The following ROBO1 variants were observed in gnomAD, a reference collection of about 807,000 sequenced individuals.
The protein encoded by ROBO1 is roundabout guidance receptor 1, also known as roundabout homolog 1.
ROBO1 carries 149 observed loss-of-function variants against 195.9 expected under a neutral mutation model. The observed-to-expected ratio is 0.76, with a 90% CI of 0.67 to 0.87. The LOEUF is 0.87. ROBO1 is among the 40% of genes least tolerant of loss of function. The probability of loss-of-function intolerance (pLI) is 0.00; values close to 1 mark genes in which losing one functional copy is unlikely to be tolerated. For synonymous variants in ROBO1, 816 were observed against 733.2 expected, an observed-to-expected ratio of 1.11 and a Z score of -1.82; for missense variants, 1,933 against 2,068.3, an observed-to-expected ratio of 0.93 and a Z score of 1.27.
chr3:79,582,237 T>A (rs1331928630), intron 2 of ROBO1, among the ~76,000 whole-genome samples: 2 of 151,786 alleles, frequency 1.3e-5, no homozygotes, highest in Admixed American at 6.6e-5. Context: ...CTTTTTCATC[T>A]CTATGGTCCT....
intron 2 of ROBO1, among the ~76,000 whole-genome samples, chr3:79,547,139 CGT>C (rs1942297288): frequency 1.6e-5 from 2 of 122,948 alleles, no homozygotes; most frequent in African/African-American, 6.3e-5. Context: ...GAGCCGAGAT[CGT>C]GCCACTGCAC....
chr3:78,788,899 T>C (rs764911229), intron 4 of ROBO1, among the ~76,000 whole-genome samples: 10 of 152,170 alleles, frequency 6.6e-5, no homozygotes, highest in Non-Finnish European at 1.3e-4. Flanking sequence ...TAGAGTTAGA[T>C]TGCACACTAA....
At position 79,305,474 on chromosome 3, in the gene ROBO1, G is replaced by A. The variant is rs528607788; in HGVS notation, c.89-179935C>T. On this transcript the variant is annotated intron_variant, in intron 2 of 30. Coordinates refer to ENST00000464233, the MANE Select transcript of ROBO1 (RefSeq NM_002941.4). Reference sequence around the variant, plus strand: ...TGCACTCCAGCCTGGGTGACAAGAGGAAAACTCCATCTCAAAAAAAAAAAA... The same window carrying A: ...TGCACTCCAGCCTGGGTGACAAGAGAAAAACTCCATCTCAAAAAAAAAAAA... Among the ~76,000 whole-genome samples the A allele has an allele frequency of 1.3e-4, 10 of 74,978 alleles. No homozygotes were observed. In the South Asian group the frequency reaches 3.9e-3, roughly 29 times the overall value. 49.2% of individuals were successfully genotyped at this position (74,978 alleles called of 152,430 possible). A position where few individuals can be genotyped will look rare whatever the true frequency, so the allele number is the denominator to read the frequency against.
intron 3 of ROBO1, among the ~76,000 whole-genome samples, chr3:79,052,055 C>T (rs563265860): frequency 2.2e-4 from 34 of 152,090 alleles, no homozygotes; most frequent in Non-Finnish European, 3.8e-4. Context: ...TCAGGGAACA[C>T]GGGAGATAAC....
At chr3:78,868,472 G>A (rs1241685138) in intron 4 of ROBO1, among the ~76,000 whole-genome samples, 1 of 152,034 alleles carries the variant, frequency 6.6e-6, no homozygotes, top group Non-Finnish European at 1.5e-5. Context: ...AAATGTTATT[G>A]TCTTTTCTTT....
chr3:79,599,947 C>T lies in ROBO1; in HGVS notation c.-50-9986G>A, dbSNP rs573660360. 1.5e-3 allele frequency among the ~76,000 whole-genome samples: 225 copies of T among 151,460 alleles called. 2 individuals carry two copies. The highest frequency in any genetic ancestry group is 5.1e-3 in the African/African-American group (211 of 41,346). ...GCTAAAATTAAAACTGTCTACATCA[C>T]GCATTTTTTTTCAAAATGAATGTCC... On this transcript the variant is annotated intron_variant, in intron 1 of 30. Transcript: ENST00000464233.
chr3:79,605,615 C>T (rs1022038555), intron 1 of ROBO1, among the ~76,000 whole-genome samples: 7 of 151,960 alleles, frequency 4.6e-5, no homozygotes, highest in Admixed American at 4.6e-4. Context: ...CCAACTTCCA[C>T]GTCCCAGCCA....
At chr3:78,679,857 A>T (rs1272278108) in intron 10 of ROBO1, among the ~76,000 whole-genome samples, 1 of 152,220 alleles carries the variant, frequency 6.6e-6, no homozygotes, top group South Asian at 2.1e-4. Context: ...GAACCAAAAA[A>T]GAGCCCGCAT....
At chr3:78,876,358 T>C (rs1400004730) in intron 4 of ROBO1, among the ~76,000 whole-genome samples, 1 of 152,118 alleles carries the variant, frequency 6.6e-6, no homozygotes, top group East Asian at 1.9e-4. Context: ...TAGCCATAAT[T>C]ATATCTTGTT....
At chr3:79,032,953 A>G (rs2078322583) in intron 3 of ROBO1, among the ~76,000 whole-genome samples, 1 of 152,102 alleles carries the variant, frequency 6.6e-6, no homozygotes, top group Non-Finnish European at 1.5e-5. Flanking sequence ...CATTAACTAG[A>G]TGGGACCTTA....
rs747730850 is a variant in ROBO1, at chr3:79,087,980, G to C, written c.172+37476C>G. On this transcript the variant is annotated intron_variant, in intron 3 of 30. Transcript: ENST00000464233. ...TGATTAAAACTTATTTACTTCGATT[G>C]TTGGTGGGAGTTCAACAATTTTGGA... Among the ~76,000 whole-genome samples, 10 of 152,172 alleles carry C rather than the reference G, an allele frequency of 6.6e-5. No individual in the cohort carries two copies. In the East Asian group the frequency reaches 1.9e-3, roughly 29 times the overall value.
intron 2 of ROBO1, among the ~76,000 whole-genome samples, chr3:79,451,194 A>G (rs2039432539): frequency 2.0e-5 from 3 of 152,060 alleles, no homozygotes; most frequent in African/African-American, 7.2e-5. Context: ...AAAATAAGGA[A>G]TTTTCATTAA....
rs575489221 is a variant in ROBO1 at position 78,672,249 on chromosome 3, A to T, written c.1343-1948T>A. ...CACTAGTGTCCTCTTTGGTAAAAAC[A>T]ACAACAACAACAAAAAAAACTATTA... On this transcript the variant is annotated intron_variant, in intron 10 of 30. Transcript: ENST00000464233. Among the ~76,000 whole-genome samples the T allele has an allele frequency of 4.9e-4, 25 of 50,736 alleles. No homozygotes were observed. In the East Asian group the frequency reaches 8.0e-3, roughly 16 times the overall value. The allele number at this position is 50,736 out of a possible 152,430, so 33.3% of individuals were successfully genotyped here.
chr3:78,954,822 G>A (rs540588077), intron 3 of ROBO1, among the ~76,000 whole-genome samples: 12 of 152,044 alleles, frequency 7.9e-5, no homozygotes, highest in African/African-American at 2.9e-4. Context: ...TATTGAAGTG[G>A]CAACTTAAAA....
intron 4 of ROBO1, among the ~76,000 whole-genome samples, chr3:78,767,513 GCT>G (rs150747188): frequency 0.047 from 7,094 of 152,132 alleles, 538 homozygotes; most frequent in African/African-American, 0.16. Flanking sequence ...CGACTCACCT[GCT>G]TTGGCCTCCC....
At chr3:79,596,824 T>C (rs1256565095) in intron 1 of ROBO1, among the ~76,000 whole-genome samples, 1 of 151,940 alleles carries the variant, frequency 6.6e-6, no homozygotes, top group East Asian at 1.9e-4. Context: ...GTTAATGGCA[T>C]ATGGGAAGAT....
At chr3:79,094,976 A>T (rs2079542363) in intron 3 of ROBO1, among the ~76,000 whole-genome samples, 1 of 148,168 alleles carries the variant, frequency 6.7e-6, no homozygotes, top group Non-Finnish European at 1.5e-5. Flanking sequence ...TTCCTTCCAC[A>T]ATTATGAAGT....
chr3:79,665,475 A>C (rs1946450502), intron 1 of ROBO1, among the ~76,000 whole-genome samples: 1 of 151,916 alleles, frequency 6.6e-6, no homozygotes, highest in Non-Finnish European at 1.5e-5. Context: ...AAATATTAGA[A>C]ATTGAAATAT....
At chr3:79,635,746 A>AGGAAT (rs113971687) in intron 1 of ROBO1, among the ~76,000 whole-genome samples, 3,709 of 152,222 alleles carry the variant, frequency 0.024, 140 homozygotes, top group African/African-American at 0.085. Flanking sequence ...ACAGAGAAAA[A>AGGAAT]GGAATGGTAG....
Sources: gnomAD v4.1 joint callset for allele counts (sites outside exome capture counted in the v4.1 genomes callset) on GRCh38, gnomAD v4.1.1 for gene constraint, MANE v1.5 for transcripts, NCBI Gene and HGNC (gene_info 2026-07-23, HGNC 2026-07-21) for gene names.